PREP: variants seen among roughly 807,000 people sequenced by gnomAD.
PREP encodes dJ355L5.1 (prolyl endopeptidase).
A neutral mutation model predicts 87.6 loss-of-function variants in PREP; 29 were observed. The ratio of observed to expected loss-of-function variants is 0.33; its 90% CI spans 0.25 to 0.45. The LOEUF (loss-of-function observed/expected upper bound fraction) is 0.45, where lower values mean the gene tolerates loss of function less well. Ranked by LOEUF, PREP falls within the 20% of genes least tolerant of loss-of-function variation. The pLI is 1.00. For missense variants in PREP, 695 were observed against 886.5 expected, an observed-to-expected ratio of 0.78 and a Z score of 2.74; for synonymous variants, 337 against 328.6, an observed-to-expected ratio of 1.03 and a Z score of -0.28.
At chr6:105,346,999 C>A (rs545038191) in intron 7 of PREP, among the ~76,000 whole-genome samples, 1 of 151,948 alleles carries the variant, frequency 6.6e-6, no homozygotes, top group East Asian at 1.9e-4. Context: ...ACTTGAGAGG[C>A]TGAGGCAGGA....
intron 2 of PREP, among the ~76,000 whole-genome samples, chr6:105,381,010 A>G (rs1772823458): frequency 6.6e-6 from 1 of 152,266 alleles, no homozygotes; most frequent in Admixed American, 6.5e-5. Context: ...ACCCTGAAGC[A>G]GACACACTGG....
In PREP at chr6:105,363,412, C is replaced by CA. The variant is rs765131115; in HGVS notation, c.717+5490dup. 7.2e-5 allele frequency among the ~76,000 whole-genome samples: 11 copies of CA among 152,108 alleles called. No homozygotes were observed. The South Asian group carries it at 1.0e-3, about 14-fold the overall frequency. On this transcript the variant is annotated intron_variant, in intron 6 of 14. Transcript: ENST00000652536. ...TGTGGGTTTTTGGGTTTTTTTGGTC[C>CA]AATAGAACCTGACAATTTCTCTCCT... is the stretch of plus-strand genomic sequence containing the variant.
Position 105,379,825 on chromosome 6 carries a change from T to C in PREP, c.121-2306A>G, listed in dbSNP as rs1421800453. Among the ~76,000 whole-genome samples the C allele has an allele frequency of 2.0e-5, 3 of 152,326 alleles. No homozygotes were observed. In the East Asian group the frequency reaches 5.8e-4, roughly 29 times the overall value. On this transcript the variant is annotated intron_variant, in intron 2 of 14. Coordinates refer to ENST00000652536, the MANE Select transcript of PREP (RefSeq NM_002726.5). The stretch of plus-strand genomic sequence containing the variant: ...AAAATCCCTGTCATCACGGAGCTCA[T>C]GCTACTGGGGACACACCCACAAAAA...
rs111493390 is a variant in PREP at position 105,283,188 on chromosome 6, G to A, written c.1550-606C>T. 1.1e-4 allele frequency among the ~76,000 whole-genome samples: 16 copies of A among 152,342 alleles called. 1 individual carries two copies. In the East Asian group the frequency reaches 1.2e-3, roughly 11 times the overall value. On this transcript the variant is annotated intron_variant, in intron 12 of 14. Coordinates refer to ENST00000652536, the MANE Select transcript of PREP (RefSeq NM_002726.5). ...AAAAGGAATTGGGTGGTGAGGTAGCGTTGCGGCAGAGCATCACATTATGTT... is the reference window on the plus strand; with the variant it reads ...AAAAGGAATTGGGTGGTGAGGTAGCATTGCGGCAGAGCATCACATTATGTT...
chr6:105,309,783 C>T (rs1562194724), intron 10 of PREP, among the ~76,000 whole-genome samples: 2 of 152,286 alleles, frequency 1.3e-5, no homozygotes, highest in East Asian at 1.9e-4. Context: ...GAAGGCCAAT[C>T]CTTCTTCTTA....
At chr6:105,392,737 C>A (rs1029766460) in intron 2 of PREP, among the ~76,000 whole-genome samples, 1 of 152,154 alleles carries the variant, frequency 6.6e-6, no homozygotes, top group Non-Finnish European at 1.5e-5. Flanking sequence ...CCGCCATGCA[C>A]GGCTAATTTT....
At chr6:105,347,718 A>G (rs1771834590) in intron 7 of PREP, among the ~76,000 whole-genome samples, 1 of 152,146 alleles carries the variant, frequency 6.6e-6, no homozygotes, top group East Asian at 1.9e-4. Context: ...AACTTTTTAT[A>G]TATTAAAAAT....
intron 6 of PREP, among the ~76,000 whole-genome samples, chr6:105,364,486 G>A (rs1277596290): frequency 6.6e-6 from 1 of 152,150 alleles, no homozygotes; most frequent in Non-Finnish European, 1.5e-5. Context: ...CTTGGACTGC[G>A]GCAGCCGAAG....
intron 10 of PREP, among the ~76,000 whole-genome samples, chr6:105,318,855 C>G (rs1002694785): frequency 6.6e-6 from 1 of 152,218 alleles, no homozygotes; most frequent in Non-Finnish European, 1.5e-5. Context: ...GTTCACTAGT[C>G]AGCTCACCAA....
chr6:105,402,747 G>A (rs933793033), intron 1 of PREP, 100 bp downstream of exon 1: 1 of 1,127,446 alleles, frequency 8.9e-7, no homozygotes, highest in South Asian at 1.7e-5. Flanking sequence ...AGGGACGCGG[G>A]GGTCGAAGGC....
chr6:105,307,032 T>C (rs1436940423), intron 10 of PREP, among the ~76,000 whole-genome samples: 1 of 152,212 alleles, frequency 6.6e-6, no homozygotes, highest in Non-Finnish European at 1.5e-5. Flanking sequence ...TGGAAAGCTT[T>C]TAGACAAGCT....
At chr6:105,357,275 G>T (rs1772123638) in intron 6 of PREP, among the ~76,000 whole-genome samples, 1 of 152,106 alleles carries the variant, frequency 6.6e-6, no homozygotes, top group African/African-American at 2.4e-5. Flanking sequence ...CATAAATGAT[G>T]GCTAATTCAG....
At chr6:105,323,268 C>T (rs1771061368) in intron 10 of PREP, among the ~76,000 whole-genome samples, 2 of 152,156 alleles carry the variant, frequency 1.3e-5, no homozygotes, top group African/African-American at 4.8e-5. Flanking sequence ...AGACTAAAAA[C>T]ACTGACTCAC....
At chr6:105,339,568 A>T (rs564295718) in intron 7 of PREP, among the ~76,000 whole-genome samples, 5 of 152,342 alleles carry the variant, frequency 3.3e-5, no homozygotes, top group Middle Eastern at 3.4e-3. Context: ...ACTTCAGATG[A>T]TCGGTAATAA....
At chr6:105,309,360 C>G (rs1770712703) in intron 10 of PREP, among the ~76,000 whole-genome samples, 1 of 152,062 alleles carries the variant, frequency 6.6e-6, no homozygotes, top group African/African-American at 2.4e-5. Context: ...AAATCATTCC[C>G]CAAACTGACA....
At chr6:105,361,929 A>C (rs1030386888) in intron 6 of PREP, among the ~76,000 whole-genome samples, 1 of 152,204 alleles carries the variant, frequency 6.6e-6, no homozygotes, top group Non-Finnish European at 1.5e-5. Flanking sequence ...AATTTTAACA[A>C]ATAAAGTTAC....
rs780718882 is a variant in PREP, at chr6:105,288,749, C to A, written c.1454+9G>T. On this transcript the variant is annotated intron_variant, in intron 11 of 14. Transcript: ENST00000652536. ...AAATACTGGCACTCTGAGTGCGTTC[C>A]GAGCTCACCTGTAGTTGGGTGTGAT... 6.2e-7 allele frequency: 1 copy of A among 1,613,656 alleles called. No individual in the cohort carries two copies. The highest frequency in any genetic ancestry group is 2.2e-5 in the East Asian group (1 of 44,858).
At chr6:105,376,344 A>C in intron 3 of PREP, 89 bp from the exon 4 acceptor site, 1 of 1,453,458 alleles carries the variant, frequency 6.9e-7, no homozygotes, top group Non-Finnish European at 9.3e-7. Flanking sequence ...CCAAAACAAA[A>C]CCAAAGACCT....
chr6:105,337,180 T>G (rs73770158), intron 7 of PREP, among the ~76,000 whole-genome samples: 6 of 152,338 alleles, frequency 3.9e-5, no homozygotes, highest in African/African-American at 1.4e-4. Context: ...CTGGCTCTAA[T>G]TTCTCATGCT....
Sources: gnomAD v4.1 joint callset for allele counts (sites outside exome capture counted in the v4.1 genomes callset) on GRCh38, gnomAD v4.1.1 for gene constraint, MANE v1.5 for transcripts, NCBI Gene and HGNC (gene_info 2026-07-23, HGNC 2026-07-21) for gene names.